Variants in CALN1 observed in about 807,000 individuals in gnomAD.
The protein encoded by CALN1 is calcium-binding protein 8.
A neutral mutation model predicts 30.6 loss-of-function variants in CALN1; 17 were observed. That is an observed-to-expected ratio of 0.56 (90% CI 0.38 to 0.83). CALN1 has a LOEUF of 0.83. Among genes scored for constraint, CALN1 ranks in the 40% least tolerant of loss-of-function variants. CALN1 has a pLI of 0.00. For synonymous variants in CALN1, 156 were observed against 131.4 expected (o/e 1.19, Z -1.28); for missense variants, 291 against 354.9 (o/e 0.82, Z 1.45).
chr7:72,428,348 G>GTTCT (rs1336649662), intron 1 of CALN1, among the ~76,000 whole-genome samples: 1 of 151,974 alleles, frequency 6.6e-6, no homozygotes, highest in South Asian at 2.1e-4. Flanking sequence ...ATTTTTGGAA[G>GTTCT]TGAGAAAGGC....
intron 5 of CALN1, among the ~76,000 whole-genome samples, chr7:71,829,262 T>A (rs1789118467): frequency 6.6e-6 from 1 of 151,998 alleles, no homozygotes. Context: ...GAGATTTCAC[T>A]AAAGAGGAAA....
At chr7:71,997,336 C>A (rs780281189) in intron 5 of CALN1, among the ~76,000 whole-genome samples, 2 of 151,868 alleles carry the variant, frequency 1.3e-5, no homozygotes, top group African/African-American at 4.8e-5. Context: ...GGACAGATGA[C>A]AGATGTCAAA....
chr7:72,312,197 A>G (rs1003535243), intron 2 of CALN1, among the ~76,000 whole-genome samples: 3 of 152,104 alleles, frequency 2.0e-5, no homozygotes, highest in African/African-American at 7.2e-5. Context: ...TGATGTCAGG[A>G]GTTCGAGACC....
rs1044530033 is a variant in CALN1, at chr7:72,001,688, C to A, written c.501+21969G>T. Among the ~76,000 whole-genome samples the A allele has an allele frequency of 2.0e-5, 3 of 152,294 alleles. No homozygotes were observed. The East Asian group carries it at 5.8e-4, about 29-fold the overall frequency. ...TAAAGCTGTTTAATAAACTTTCACT[C>A]CTGCCTTAAAATTTGCCTCAGTCTC... On this transcript the variant is annotated intron_variant, in intron 5 of 6. Transcript: ENST00000395275.
At chr7:72,497,371 C>T in the CALN1 span, among the ~76,000 whole-genome samples, 2,118 of 152,052 alleles carry the variant, frequency 0.014, 53 homozygotes, top group African/African-American at 0.047. Flanking sequence ...ACCTGGGAGG[C>T]GGAGGTTGCA....
At chr7:72,351,596 A>G (rs1470837604) in intron 2 of CALN1, among the ~76,000 whole-genome samples, 1 of 152,206 alleles carries the variant, frequency 6.6e-6, no homozygotes, top group Non-Finnish European at 1.5e-5. Flanking sequence ...ATTAAAAGAT[A>G]GTCAATTTAT....
intron 3 of CALN1, among the ~76,000 whole-genome samples, chr7:72,107,253 A>G (rs115966661): frequency 2.2e-3 from 339 of 152,330 alleles, no homozygotes; most frequent in African/African-American, 7.5e-3. Context: ...CTCTGCAGGC[A>G]TATTTCAGAT....
At chr7:71,959,130 T>C (rs1584611801) in intron 5 of CALN1, among the ~76,000 whole-genome samples, 1 of 152,182 alleles carries the variant, frequency 6.6e-6, no homozygotes, top group Non-Finnish European at 1.5e-5. Context: ...GGCTTGCCCC[T>C]CTCCTTTTCA....
chr7:72,457,861 T>A, the CALN1 span, among the ~76,000 whole-genome samples: 6 of 150,952 alleles, frequency 4.0e-5, no homozygotes, highest in African/African-American at 1.5e-4. Flanking sequence ...GCTCAAGTGA[T>A]CCTCCCACCT....
At chr7:72,024,436 T>C (rs1800919421) in intron 4 of CALN1, among the ~76,000 whole-genome samples, 1 of 152,198 alleles carries the variant, frequency 6.6e-6, no homozygotes, top group Non-Finnish European at 1.5e-5. Context: ...TCTTGCTCTG[T>C]TGCCCAGGCT....
At chr7:72,151,490 C>T (rs756196175) in intron 3 of CALN1, among the ~76,000 whole-genome samples, 8 of 152,082 alleles carry the variant, frequency 5.3e-5, no homozygotes, top group Non-Finnish European at 1.2e-4. Context: ...AGGGTTGGGG[C>T]GCCAACATAT....
At chr7:71,921,813 T>C (rs1242740375) in intron 5 of CALN1, among the ~76,000 whole-genome samples, 1 of 152,114 alleles carries the variant, frequency 6.6e-6, no homozygotes, top group Non-Finnish European at 1.5e-5. Context: ...TTTCTCACTG[T>C]ACCTCTGCAC....
At chr7:72,349,078 G>A (rs1802787895) in intron 2 of CALN1, among the ~76,000 whole-genome samples, 1 of 152,104 alleles carries the variant, frequency 6.6e-6, no homozygotes. Flanking sequence ...ATGTGAAAAA[G>A]CTATTTGAGG....
intron 2 of CALN1, among the ~76,000 whole-genome samples, chr7:72,316,869 C>G (rs1725495449): frequency 6.6e-6 from 1 of 151,486 alleles, no homozygotes. Flanking sequence ...CACTTGAGCT[C>G]AGGAGTTCAA....
intron 3 of CALN1, among the ~76,000 whole-genome samples, chr7:72,237,945 A>T (rs546929661): frequency 2.0e-4 from 31 of 152,330 alleles, no homozygotes; most frequent in African/African-American, 7.0e-4. Context: ...TGCATAAAGG[A>T]CAAGGGTTTT....
At chr7:72,380,993 A>T (rs998922721) in intron 2 of CALN1, among the ~76,000 whole-genome samples, 1 of 152,214 alleles carries the variant, frequency 6.6e-6, no homozygotes, top group African/African-American at 2.4e-5. Context: ...GAAAATAAGG[A>T]GAGAGGAATG....
At chr7:71,921,476 G>T (rs1794941590) in intron 5 of CALN1, among the ~76,000 whole-genome samples, 1 of 151,954 alleles carries the variant, frequency 6.6e-6, no homozygotes, top group Non-Finnish European at 1.5e-5. Context: ...TTAAACCTTG[G>T]CACAAAAGGA....
intron 3 of CALN1, among the ~76,000 whole-genome samples, chr7:72,247,200 A>G (rs1585257660): frequency 7.0e-6 from 1 of 142,244 alleles, no homozygotes; most frequent in South Asian, 2.3e-4. Flanking sequence ...TTGGTCTGGC[A>G]AGGGTTTTCA....
chr7:72,113,465 A>C (rs993310077), intron 3 of CALN1, among the ~76,000 whole-genome samples: 3 of 152,226 alleles, frequency 2.0e-5, no homozygotes, highest in African/African-American at 7.2e-5. Flanking sequence ...TTTTCTATAT[A>C]AATTATCTAG....
Sources: gnomAD v4.1 joint callset for allele counts (sites outside exome capture counted in the v4.1 genomes callset) on GRCh38, gnomAD v4.1.1 for gene constraint, MANE v1.5 for transcripts, NCBI Gene and HGNC (gene_info 2026-07-23, HGNC 2026-07-21) for gene names.